The following PIK3C2G variants were observed in gnomAD, a reference collection of about 807,000 sequenced individuals.
PIK3C2G encodes the protein phosphatidylinositol-4-phosphate 3-kinase catalytic subunit type 2 gamma.
Under a neutral mutation model 181.1 loss-of-function variants are expected in PIK3C2G, and 168 were observed. The observed-to-expected ratio is 0.93, with a 90% CI of 0.82 to 1.05. The LOEUF is 1.05. PIK3C2G is among the 50% of genes least tolerant of loss of function. The pLI is 0.00. For missense variants in PIK3C2G, 1,869 were observed against 1,732.8 expected, an observed-to-expected ratio of 1.08 and a Z score of -1.40; for synonymous variants, 573 against 592.2, an observed-to-expected ratio of 0.97 and a Z score of 0.47.
At chr12:18,677,191 CTGCT>C in the PIK3C2G span, among the ~76,000 whole-genome samples, 3 of 152,052 alleles carry the variant, frequency 2.0e-5, no homozygotes, top group African/African-American at 7.2e-5. Context: ...CCTGGTCAGG[CTGCT>C]TGCCACAATA....
the PIK3C2G span, among the ~76,000 whole-genome samples, chr12:18,653,941 T>C: frequency 6.6e-6 from 1 of 152,164 alleles, no homozygotes; most frequent in Non-Finnish European, 1.5e-5. Flanking sequence ...GTCAGCCTTC[T>C]GGCTCCATGA....
At chr12:18,638,377 A>G (rs1408570971) in intron 31 of PIK3C2G, among the ~76,000 whole-genome samples, 1 of 152,184 alleles carries the variant, frequency 6.6e-6, no homozygotes, top group African/African-American at 2.4e-5. Context: ...ACTAGAAAAG[A>G]AGGCTCATCA....
At chr12:18,446,942 G>A (rs1453545479) in intron 18 of PIK3C2G, among the ~76,000 whole-genome samples, 3 of 152,136 alleles carry the variant, frequency 2.0e-5, no homozygotes, top group Non-Finnish European at 4.4e-5. Context: ...AAAATAGAGA[G>A]TAGAAAGAGT....
At chr12:18,341,253 T>C (rs1225671383) in intron 9 of PIK3C2G, among the ~76,000 whole-genome samples, 1 of 152,120 alleles carries the variant, frequency 6.6e-6, no homozygotes, top group African/African-American at 2.4e-5. Context: ...ACTTACAATA[T>C]TTGAAGCTAA....
At chr12:18,372,155 A>C (rs12580683) in intron 13 of PIK3C2G, among the ~76,000 whole-genome samples, 12,029 of 152,080 alleles carry the variant, frequency 0.079, 924 homozygotes, top group Admixed American at 0.24. Context: ...AGATATTTCA[A>C]ATCTTCTTTG....
intron 16 of PIK3C2G, among the ~76,000 whole-genome samples, chr12:18,416,895 T>G (rs1945211429): frequency 6.6e-6 from 1 of 152,164 alleles, no homozygotes; most frequent in Non-Finnish European, 1.5e-5. Context: ...GTCTTATTAT[T>G]TAAGAAATAT....
At chr12:18,311,530 G>GGTGTGT (rs150381184) in intron 5 of PIK3C2G, among the ~76,000 whole-genome samples, 29 of 148,770 alleles carry the variant, frequency 1.9e-4, no homozygotes, top group African/African-American at 3.7e-4. Context: ...GGTATAAAGG[G>GGTGTGT]GTGTGTGTGT....
intron 31 of PIK3C2G, among the ~76,000 whole-genome samples, chr12:18,631,289 A>C (rs191116365): frequency 8.4e-4 from 128 of 152,314 alleles, no homozygotes; most frequent in African/African-American, 2.9e-3. Context: ...GGACAAACTA[A>C]GCCTGCTGCT....
At chr12:18,598,469 C>A (rs1383899595) in intron 30 of PIK3C2G, among the ~76,000 whole-genome samples, 2 of 151,556 alleles carry the variant, frequency 1.3e-5, no homozygotes, top group Non-Finnish European at 2.9e-5. Flanking sequence ...AAACTGGAAC[C>A]CTTCCTTACA....
At chr12:18,255,526 C>T (rs1405837265) in intron 1 of PIK3C2G, among the ~76,000 whole-genome samples, 1 of 152,126 alleles carries the variant, frequency 6.6e-6, no homozygotes, top group Non-Finnish European at 1.5e-5. Flanking sequence ...CCATGTTCAG[C>T]GCAAGGTTTC....
intron 2 of PIK3C2G, among the ~76,000 whole-genome samples, chr12:18,283,170 A>G (rs1949297299): frequency 6.6e-6 from 1 of 152,142 alleles, no homozygotes; most frequent in Non-Finnish European, 1.5e-5. Context: ...GAAACTTTAT[A>G]TCATTATTGG....
chr12:18,653,266 C>T (rs1437339156), downstream of PIK3C2G, among the ~76,000 whole-genome samples: 2 of 152,124 alleles, frequency 1.3e-5, no homozygotes, highest in Admixed American at 6.6e-5. Flanking sequence ...TCACATATTA[C>T]CCATGCCAAA....
chr12:18,525,393 C>CAA (rs112082392), intron 24 of PIK3C2G, among the ~76,000 whole-genome samples: 1 of 145,584 alleles, frequency 6.9e-6, no homozygotes, highest in African/African-American at 2.5e-5. Flanking sequence ...AACCCCATCT[C>CAA]AAAAAAAAAA....
At chr12:18,615,585 T>C (rs1948572825) in intron 31 of PIK3C2G, among the ~76,000 whole-genome samples, 1 of 152,018 alleles carries the variant, frequency 6.6e-6, no homozygotes, top group Non-Finnish European at 1.5e-5. Context: ...TCTGGGTAGG[T>C]GCCCAGTAGT....
chr12:18,490,220 AG>A (rs1940429842), intron 19 of PIK3C2G, among the ~76,000 whole-genome samples: 2 of 152,184 alleles, frequency 1.3e-5, no homozygotes, highest in Admixed American at 1.3e-4. Context: ...ACACACACAG[AG>A]GGCTGTAATG....
chr12:18,408,165 T>A (rs1944646272), intron 16 of PIK3C2G, among the ~76,000 whole-genome samples: 1 of 152,276 alleles, frequency 6.6e-6, no homozygotes, highest in East Asian at 1.9e-4. Flanking sequence ...TGGTATTGCC[T>A]AGGTTTTCTT....
At chr12:18,635,175 C>G (rs886160411) in intron 31 of PIK3C2G, among the ~76,000 whole-genome samples, 1 of 152,128 alleles carries the variant, frequency 6.6e-6, no homozygotes, top group Non-Finnish European at 1.5e-5. Flanking sequence ...GTATATCATG[C>G]AGAACTATCC....
At chr12:18,708,559 T>C in the PIK3C2G span, among the ~76,000 whole-genome samples, 4 of 152,170 alleles carry the variant, frequency 2.6e-5, no homozygotes, top group Admixed American at 6.5e-5. Context: ...GGTGGCTCTA[T>C]TTTTTATTTC....
chr12:18,465,166 C>CA, intron 18 of PIK3C2G, among the ~76,000 whole-genome samples: 1 of 151,818 alleles, frequency 6.6e-6, no homozygotes, highest in East Asian at 1.9e-4. Context: ...AAAAAACATA[C>CA]AAAAACCTTT....
Sources: gnomAD v4.1 joint callset for allele counts (sites outside exome capture counted in the v4.1 genomes callset) on GRCh38, gnomAD v4.1.1 for gene constraint, MANE v1.5 for transcripts, NCBI Gene and HGNC (gene_info 2026-07-23, HGNC 2026-07-21) for gene names.